Variants in FMN1 observed in about 807,000 individuals in gnomAD.
FMN1 encodes formin 1.
FMN1 carries 110 observed loss-of-function variants against 132.4 expected under a neutral mutation model. The observed-to-expected ratio is 0.83, with a 90% CI of 0.71 to 0.97. FMN1 has a LOEUF of 0.97. Ranked by LOEUF, FMN1 falls within the 50% of genes least tolerant of loss-of-function variation. FMN1 has a pLI of 0.00. For missense variants in FMN1, 1,792 were observed against 1,705.3 expected, an observed-to-expected ratio of 1.05 and a Z score of -0.90; for synonymous variants, 722 against 651.7, an observed-to-expected ratio of 1.11 and a Z score of -1.64.
chr15:33,026,435 C>CACACACACACACACACACACACTT (rs2035678498), intron 6 of FMN1, among the ~76,000 whole-genome samples: 1 of 151,048 alleles, frequency 6.6e-6, no homozygotes, highest in Non-Finnish European at 1.5e-5. Context: ...CACACACACA[C>CACACACACACACACACACACACTT]ACACTTCTGT....
At chr15:32,996,599 T>A (rs1411395099) in intron 7 of FMN1, among the ~76,000 whole-genome samples, 1 of 152,184 alleles carries the variant, frequency 6.6e-6, no homozygotes, top group Non-Finnish European at 1.5e-5. Flanking sequence ...TCACTCCTTA[T>A]ATATAAAGAC....
intron 7 of FMN1, among the ~76,000 whole-genome samples, chr15:33,005,431 C>A (rs2034364812): frequency 6.6e-6 from 1 of 152,142 alleles, no homozygotes; most frequent in Non-Finnish European, 1.5e-5. Flanking sequence ...GTTAATCACA[C>A]CTTAGTCTAA....
chr15:33,153,728 G>A lies in FMN1; in HGVS notation c.1187C>T (p.Ser396Leu), dbSNP rs200088104. ...QGKERQGDRS[S>L]QSPAGETASI... Reference sequence around the variant, plus strand: ...GGCTGTTTCCCCGGCTGGCGACTGCGATGACCTATCCCCTTGCCGCTCCTT... The same window carrying A: ...GGCTGTTTCCCCGGCTGGCGACTGCAATGACCTATCCCCTTGCCGCTCCTT... Residue 396 changes from serine (S) to leucine (L), a missense_variant, in exon 4 of 21, where the codon TCG becomes TTG. Physicochemically the swap from Ser to Leu is moderately radical, Grantham distance 145. Around this residue, in one of 3 missense-constraint regions of FMN1, gnomAD observed 638 missense variants for 645.2 expected, o/e 0.99. Coordinates refer to ENST00000616417, the MANE Select transcript of FMN1 (RefSeq NM_001277313.2). The A allele has an allele frequency of 7.4e-5, 114 of 1,536,124 alleles. No homozygotes were observed. The highest frequency in any genetic ancestry group is 8.8e-5 in the Non-Finnish European group (101 of 1,146,938).
intron 10 of FMN1, among the ~76,000 whole-genome samples, chr15:32,924,176 T>C (rs1306213133): frequency 6.6e-6 from 1 of 152,150 alleles, no homozygotes; most frequent in East Asian, 1.9e-4. Context: ...CCCTGAAGAA[T>C]CCCATTCTAA....
intron 5 of FMN1, chr15:33,066,928 C>T (rs771804224): frequency 6.2e-7 from 1 of 1,613,952 alleles, no homozygotes; most frequent in Admixed American, 1.7e-5. Context: ...GCCCTGCCTG[C>T]ACTAAGGACT....
intron 17 of FMN1, among the ~76,000 whole-genome samples, chr15:32,819,141 G>C (rs985019080): frequency 2.0e-5 from 3 of 152,200 alleles, no homozygotes; most frequent in African/African-American, 7.2e-5. Flanking sequence ...CTGAGGCTGA[G>C]CTCTGCCTCT....
At chr15:32,984,648 G>A (rs568524898) in intron 7 of FMN1, among the ~76,000 whole-genome samples, 23 of 152,296 alleles carry the variant, frequency 1.5e-4, no homozygotes, top group African/African-American at 5.5e-4. Flanking sequence ...CAGAAGCTAT[G>A]AGCACAACCC....
At position 32,776,905 on chromosome 15, in the gene FMN1, T is replaced by A; in HGVS notation, c.4145A>T (p.Gln1382Leu). The A allele has an allele frequency of 6.3e-7, 1 of 1,587,222 alleles. No individual in the cohort carries two copies. Among genetic ancestry groups the A allele is most frequent in the South Asian group, 1.1e-5 (1 of 87,362 alleles). The change falls in exon 20 of 21, where the codon CAG (glutamine) becomes CTG (leucine). Residue 1382 changes from glutamine to leucine, a missense_variant. Around this residue, in one of 3 missense-constraint regions of FMN1, gnomAD observed 1,150 missense variants for 1,043.1 expected, o/e 1.10. Transcript: ENST00000616417. ...NISKERLKMA[Q>L]ESVSKLTSEK... ...TGAAGTCAACTTGCTGACTGATTCC[T>A]GAGCCATTTTCAATCTGAAATAGAA...
intron 5 of FMN1, among the ~76,000 whole-genome samples, chr15:33,073,714 T>C (rs562080617): frequency 6.7e-6 from 1 of 149,930 alleles, no homozygotes; most frequent in Middle Eastern, 3.5e-3. Flanking sequence ...TTAGAAATAG[T>C]AGAAATTTAC....
At chr15:32,817,773 G>T (rs2058097307) in intron 17 of FMN1, among the ~76,000 whole-genome samples, 1 of 152,190 alleles carries the variant, frequency 6.6e-6, no homozygotes. Flanking sequence ...TGCTGACAGT[G>T]AATTTATCAG....
chr15:32,928,438 A>C (rs1159675837), intron 9 of FMN1, among the ~76,000 whole-genome samples: 1 of 152,232 alleles, frequency 6.6e-6, no homozygotes, highest in Non-Finnish European at 1.5e-5. Context: ...CTAATAAAAA[A>C]ATTAAGAAAA....
chr15:32,957,046 A>G (rs1448757410), intron 9 of FMN1, among the ~76,000 whole-genome samples: 1 of 152,064 alleles, frequency 6.6e-6, no homozygotes, highest in African/African-American at 2.4e-5. Flanking sequence ...CCCTTCCCCC[A>G]AAGTGTTTGG....
At chr15:33,025,038 T>G (rs2035601572) in intron 6 of FMN1, among the ~76,000 whole-genome samples, 1 of 152,126 alleles carries the variant, frequency 6.6e-6, no homozygotes, top group Non-Finnish European at 1.5e-5. Flanking sequence ...TTTTGAGACT[T>G]TATACATTAT....
At chr15:33,067,122 T>C (rs2037772521) in intron 5 of FMN1, 2 of 1,614,024 alleles carry the variant, frequency 1.2e-6, no homozygotes, top group Non-Finnish European at 1.7e-6. Context: ...CTCTCAGTGA[T>C]ACCAACACTC....
intron 10 of FMN1, among the ~76,000 whole-genome samples, chr15:32,913,894 C>T (rs930069764): frequency 6.6e-6 from 1 of 152,110 alleles, no homozygotes; most frequent in African/African-American, 2.4e-5. Context: ...GGAGGAAAAG[C>T]TTCTTGACAA....
intron 3 of FMN1, among the ~76,000 whole-genome samples, chr15:33,155,759 A>G (rs1964647134): frequency 6.6e-6 from 1 of 152,194 alleles, no homozygotes; most frequent in Admixed American, 6.5e-5. Flanking sequence ...CAAAAAATCT[A>G]TAAGGAACGG....
intron 6 of FMN1, among the ~76,000 whole-genome samples, chr15:33,013,229 CAA>C (rs1187478618): frequency 6.6e-6 from 1 of 152,168 alleles, no homozygotes; most frequent in South Asian, 2.1e-4. Context: ...CGTGTATGGG[CAA>C]AAGAGTTAAG....
intron 17 of FMN1, among the ~76,000 whole-genome samples, chr15:32,825,850 A>AT (rs2058351699): frequency 6.6e-6 from 1 of 152,234 alleles, no homozygotes; most frequent in African/African-American, 2.4e-5. Flanking sequence ...GCTCGGCACA[A>AT]TATCTGACAC....
intron 4 of FMN1, among the ~76,000 whole-genome samples, chr15:33,139,524 G>A (rs1192449309): frequency 6.6e-6 from 1 of 152,184 alleles, no homozygotes; most frequent in Non-Finnish European, 1.5e-5. Context: ...CCGGGAGGTG[G>A]AGGTTGCAGT....
Sources: gnomAD v4.1 joint callset for allele counts (sites outside exome capture counted in the v4.1 genomes callset) on GRCh38, gnomAD v4.1.1 for gene constraint, gnomAD v4.1.1 regional missense constraint, MANE v1.5 for transcripts, NCBI Gene and HGNC (gene_info 2026-07-23, HGNC 2026-07-21) for gene names.